TIAM1: variants seen among roughly 807,000 people sequenced by gnomAD.
TIAM1 encodes the protein TIAM Rac1 associated GEF 1.
Under a neutral mutation model 163.5 loss-of-function variants are expected in TIAM1, and 65 were observed. That is an observed-to-expected ratio of 0.40 (90% CI 0.33 to 0.49). The LOEUF (loss-of-function observed/expected upper bound fraction) is 0.49, where lower values mean the gene tolerates loss of function less well. Ranked by LOEUF, TIAM1 falls within the 20% of genes least tolerant of loss-of-function variation. TIAM1 has a pLI of 0.77. For missense variants in TIAM1, 1,789 were observed against 2,044.7 expected, an observed-to-expected ratio of 0.87 and a Z score of 2.41; for synonymous variants, 833 against 810.1, an observed-to-expected ratio of 1.03 and a Z score of -0.48.
chr21:31,217,746 C>A, intron 8 of TIAM1, 47 bp from the exon 9 acceptor site: 4 of 1,593,936 alleles, frequency 2.5e-6, no homozygotes, highest in Non-Finnish European at 3.4e-6. Context: ...GCATCAGGAC[C>A]ACCCACTTGT....
chr21:31,337,518 G>GTTTTATTATTATTATTA (rs139117633), intron 2 of TIAM1, among the ~76,000 whole-genome samples: 3 of 147,272 alleles, frequency 2.0e-5, no homozygotes, highest in African/African-American at 7.6e-5. Flanking sequence ...TATTATTGTT[G>GTTTTATTATTATTATTA]TTATTATTAT....
In TIAM1 at chr21:31,314,147, T is replaced by A. The variant is rs140519178; in HGVS notation, c.-189+25096A>T. ...AAAAATATCATTATTATCAGGACCA[T>A]TTCTCACTTACAAATGAGAAAAGTG... is the stretch of plus-strand genomic sequence containing the variant. On this transcript the variant is annotated intron_variant, in intron 2 of 27. Transcript: ENST00000541036. Among the ~76,000 whole-genome samples, 608 of 152,332 alleles carry A rather than the reference T, an allele frequency of 4.0e-3. 4 individuals carry two copies. Among genetic ancestry groups the A allele is most frequent in the African/African-American group, 0.014 (569 of 41,568 alleles).
chr21:31,555,175 G>A (rs1045800464), intron 1 of TIAM1, among the ~76,000 whole-genome samples: 5 of 145,208 alleles, frequency 3.4e-5, no homozygotes, highest in Non-Finnish European at 6.0e-5. Context: ...GATGATGAGA[G>A]AGAATTTGTT....
intron 4 of TIAM1, among the ~76,000 whole-genome samples, chr21:31,257,201 A>C (rs1229766072): frequency 1.3e-5 from 2 of 152,104 alleles, no homozygotes; most frequent in Non-Finnish European, 2.9e-5. Flanking sequence ...TAGGAAATCA[A>C]CTCTATTTTC....
At position 31,141,093 on chromosome 21, in the gene TIAM1, G is replaced by A; in HGVS notation, c.3774+25C>T. ...CTCAAACTCGGCTTTCCTGACAGAT[G>A]TCCTGAGAAGATGGGGACCCTCACC... On this transcript the variant is annotated intron_variant, in intron 22 of 27. Transcript: ENST00000541036. The surrounding 1 kb of genome is among the most constrained non-coding windows in gnomAD (Gnocchi z 4.7). The A allele has an allele frequency of 6.4e-7, 1 of 1,564,608 alleles. No individual in the cohort carries two copies. Among genetic ancestry groups the A allele is most frequent in the South Asian group, 1.2e-5 (1 of 86,632 alleles).
At chr21:31,524,503 G>A (rs951368943) in intron 1 of TIAM1, among the ~76,000 whole-genome samples, 2 of 152,212 alleles carry the variant, frequency 1.3e-5, no homozygotes, top group African/African-American at 4.8e-5. Context: ...ATATTAGCTA[G>A]TGAATCCCAG....
At chr21:31,488,206 T>C (rs2046342193) in intron 1 of TIAM1, among the ~76,000 whole-genome samples, 1 of 152,166 alleles carries the variant, frequency 6.6e-6, no homozygotes, top group African/African-American at 2.4e-5. Context: ...ATGCCGACGC[T>C]GGGCACAGGA....
intron 1 of TIAM1, among the ~76,000 whole-genome samples, chr21:31,543,755 G>C (rs1461995332): frequency 6.6e-6 from 1 of 152,224 alleles, no homozygotes; most frequent in African/African-American, 2.4e-5. Context: ...TGAACAAGGA[G>C]TCCTGTCAGA....
rs1436317087 is a variant in TIAM1 at position 31,266,242 on chromosome 21, G to A, written c.731C>T (p.Thr244Ile). The A allele has an allele frequency of 6.2e-7, 1 of 1,614,184 alleles. No homozygotes were observed. The highest frequency in any genetic ancestry group is 1.1e-5 in the South Asian group (1 of 91,088). Residue 244 changes from threonine to isoleucine, a missense_variant, in exon 4 of 28, where the codon ACA (threonine) becomes ATA (isoleucine). This residue lies in a region of TIAM1 where 555 missense variants were observed against 564.9 expected (regional missense o/e 0.98). Coordinates refer to ENST00000541036, the MANE Select transcript of TIAM1 (RefSeq NM_001353694.2). ...TTTGCTCCCCGGCCCCCCGTTTGCT[G>A]TCACTCCAGAGTTTTTCTGAGCATA... ...DLYAQKNSGV[T>I]ANGGPGSKFA... is the part of the protein sequence containing the mutation.
intron 1 of TIAM1, among the ~76,000 whole-genome samples, chr21:31,509,967 A>T (rs2147468981): frequency 6.6e-6 from 1 of 152,342 alleles, no homozygotes; most frequent in Non-Finnish European, 1.5e-5. Context: ...TCACAACCCC[A>T]GACCAGAACT....
intron 2 of TIAM1, among the ~76,000 whole-genome samples, chr21:31,284,399 T>C (rs2073705692): frequency 6.6e-6 from 1 of 152,094 alleles, no homozygotes; most frequent in East Asian, 1.9e-4. Context: ...ATGTAAGTTG[T>C]AGAAGCTGCA....
In TIAM1 at chr21:31,461,793, C is replaced by T. The variant is rs560907064; in HGVS notation, c.-369+2190G>A. ...TGATTTTCCCACCTCAGCCTCCCGG[C>T]CAGCTGGGACCACAGGCATGCGCTA... On this transcript the variant is annotated intron_variant, in intron 2 of 28. Coordinates refer to the TIAM1 transcript ENST00000286827. 3.3e-5 allele frequency among the ~76,000 whole-genome samples: 5 copies of T among 152,122 alleles called. No homozygotes were observed. In the East Asian group the frequency reaches 9.7e-4, roughly 29 times the overall value.
chr21:31,233,861 G>A (rs1378895993), intron 6 of TIAM1, among the ~76,000 whole-genome samples: 1 of 152,160 alleles, frequency 6.6e-6, no homozygotes, highest in Admixed American at 6.5e-5. Flanking sequence ...CAGGGACCGT[G>A]CGCTGCAAAG....
chr21:31,453,056 T>C, intron 2 of TIAM1: 1 of 415,984 alleles, frequency 2.4e-6, no homozygotes, highest in South Asian at 2.1e-5. Context: ...ATCCAATGTA[T>C]CTGGGAGATA....
In TIAM1 at chr21:31,330,944, C is replaced by T. The variant is rs1243284809; in HGVS notation, c.-189+8299G>A. Among the ~76,000 whole-genome samples, 6 of 151,648 alleles carry T rather than the reference C, an allele frequency of 4.0e-5. 1 individual carries two copies. Among genetic ancestry groups the T allele is most frequent in the East Asian group, 1.9e-4 (1 of 5,158 alleles). On this transcript the variant is annotated intron_variant, in intron 2 of 27. Coordinates refer to ENST00000541036, the MANE Select transcript of TIAM1 (RefSeq NM_001353694.2). ...AGCACTTCAGATGGATTTATAAACTCGGAAAGGTAAAATGTGATTTGAACA... is the reference window on the plus strand; with the variant it reads ...AGCACTTCAGATGGATTTATAAACTTGGAAAGGTAAAATGTGATTTGAACA...
chr21:31,304,067 G>A (rs1184175888), intron 2 of TIAM1, among the ~76,000 whole-genome samples: 7 of 152,192 alleles, frequency 4.6e-5, no homozygotes, highest in Non-Finnish European at 1.0e-4. Context: ...CAAAAGCAAC[G>A]AAATAGAAGA....
At chr21:31,550,687 G>A (rs2048654814) in intron 1 of TIAM1, among the ~76,000 whole-genome samples, 1 of 152,222 alleles carries the variant, frequency 6.6e-6, no homozygotes, top group Non-Finnish European at 1.5e-5. Flanking sequence ...AAACCTAGAA[G>A]ACTTAATCAT....
intron 6 of TIAM1, among the ~76,000 whole-genome samples, chr21:31,239,772 G>T (rs574850649): frequency 2.6e-5 from 4 of 152,088 alleles, no homozygotes; most frequent in African/African-American, 4.8e-5. Flanking sequence ...GTCATTAAGC[G>T]CATGAATATG....
chr21:31,394,614 G>A (rs568379845), intron 2 of TIAM1, among the ~76,000 whole-genome samples: 4 of 151,956 alleles, frequency 2.6e-5, no homozygotes, highest in East Asian at 1.9e-4. Context: ...AGGAAGGGGC[G>A]TACAGGAACT....
Sources: gnomAD v4.1 joint callset for allele counts (sites outside exome capture counted in the v4.1 genomes callset) on GRCh38, gnomAD v4.1.1 for gene constraint, gnomAD v4.1.1 regional missense constraint, Gnocchi (gnomAD v3.1) non-coding constraint, MANE v1.5 for transcripts, NCBI Gene and HGNC (gene_info 2026-07-23, HGNC 2026-07-21) for gene names.